Variants in PHKA1 observed in about 807,000 individuals in gnomAD.
PHKA1 encodes the protein phosphorylase b kinase regulatory subunit alpha, skeletal muscle isoform.
PHKA1 carries 60 observed loss-of-function variants against 110.2 expected under a neutral mutation model. The observed-to-expected ratio is 0.54, with a 90% confidence interval of 0.44 to 0.68. The LOEUF (loss-of-function observed/expected upper bound fraction) is 0.68. Among genes scored for constraint, PHKA1 ranks in the 30% least tolerant of loss-of-function variants. The pLI is 0.00. For missense variants in PHKA1, 801 were observed against 942.5 expected, an observed-to-expected ratio of 0.85 and a Z score of 1.97; for synonymous variants, 316 against 333.6, an observed-to-expected ratio of 0.95 and a Z score of 0.58.
At chrX:72,668,843 A>T in intron 6 of PHKA1, among the ~76,000 whole-genome samples, 1 of 111,811 alleles carries the variant, frequency 8.9e-6, no homozygotes, top group African/African-American at 3.3e-5. Flanking sequence ...AAAGTCCAAA[A>T]TCTCATCCGT....
chrX:72,608,739 A>C (rs1261145253), intron 23 of PHKA1, among the ~76,000 whole-genome samples: 5 of 111,399 alleles, frequency 4.5e-5, no homozygotes, highest in African/African-American at 6.5e-5. Flanking sequence ...TTTTGTAAAC[A>C]AAAAACATGC....
chrX:72,681,710 G>A (rs2053879171), intron 5 of PHKA1, among the ~76,000 whole-genome samples: 1 of 79,833 alleles, frequency 1.3e-5, no homozygotes, highest in Non-Finnish European at 2.4e-5. Context: ...GCCCCGTCCG[G>A]GAGGGAGGTG....
At chrX:72,627,526 T>C (rs2053094453) in intron 16 of PHKA1, among the ~76,000 whole-genome samples, 1 of 112,447 alleles carries the variant, frequency 8.9e-6, no homozygotes, top group Admixed American at 9.4e-5. Flanking sequence ...ATACTACATA[T>C]ACTCTTTCAT....
intron 21 of PHKA1, among the ~76,000 whole-genome samples, chrX:72,617,170 CAG>C (rs1432589530): frequency 9.0e-5 from 10 of 110,714 alleles, no homozygotes; most frequent in African/African-American, 3.3e-4. Context: ...ATAAATAAAA[CAG>C]AGACTAAAAA....
chrX:72,681,397 G>T (rs1476031618), intron 5 of PHKA1, among the ~76,000 whole-genome samples: 1 of 111,212 alleles, frequency 9.0e-6, no homozygotes, highest in Non-Finnish European at 1.9e-5. Context: ...GGGAGGTGGG[G>T]GGGGGTCAGC....
rs1218364964 is a variant in PHKA1, at chrX:72,653,450, A to G, written c.1122T>C (p.Ser374=). 4 of 1,197,382 alleles carry G rather than the reference A, an allele frequency of 3.3e-6. No homozygotes were observed. The highest frequency in any genetic ancestry group is 3.4e-6 in the Non-Finnish European group (3 of 884,217). ...NGVPLLPELY[S]VPPDRVDEEY... ...TCTGACTCACCCTGTCAGGAGGAACACTGTACAGCTCTGGCAGAAGTGGGA... is the reference window on the plus strand; with the variant it reads ...TCTGACTCACCCTGTCAGGAGGAACGCTGTACAGCTCTGGCAGAAGTGGGA... Residue 374 remains serine, a synonymous_variant, in exon 11 of 32, where the codon AGT becomes AGC. Transcript: ENST00000373542.
chrX:72,592,138 C>T (rs928845746), intron 29 of PHKA1, among the ~76,000 whole-genome samples: 6 of 112,268 alleles, frequency 5.3e-5, no homozygotes, highest in Non-Finnish European at 7.5e-5. Flanking sequence ...TAGAACATTG[C>T]CATAATCCAT....
At chrX:72,709,812 G>A (rs1225066205) in intron 2 of PHKA1, among the ~76,000 whole-genome samples, 1 of 109,930 alleles carries the variant, frequency 9.1e-6, no homozygotes, top group Non-Finnish European at 1.9e-5. Context: ...AGGCTGAGGT[G>A]GGTGAATCAT....
chrX:72,583,381 C>T (rs889833423), intron 30 of PHKA1, among the ~76,000 whole-genome samples: 4 of 111,901 alleles, frequency 3.6e-5, no homozygotes, highest in African/African-American at 1.3e-4. Flanking sequence ...TTTGAAGACT[C>T]TTAAAGGTAC....
chrX:72,696,000 A>C lies in PHKA1; in HGVS notation c.286-124T>G, dbSNP rs2054104658. ...ATACACTATCTTCAGGCAATTGTGA[A>C]TATTTAAAATACTCGTTACCTGTTT... On this transcript the variant is annotated intron_variant, in intron 3 of 31. Coordinates refer to ENST00000373542, the MANE Select transcript of PHKA1 (RefSeq NM_002637.4). 1.0e-5 allele frequency: 6 copies of C among 584,120 alleles called. No individual in the cohort carries two copies. The Admixed American group carries it at 1.5e-4, about 14-fold the overall frequency. The allele number at this position is 584,120 out of a possible 1,213,427, so 48.1% of individuals were successfully genotyped here. A position where few individuals can be genotyped will look rare whatever the true frequency, so the allele number is the denominator to read the frequency against.
intron 4 of PHKA1, among the ~76,000 whole-genome samples, chrX:72,693,392 T>C (rs1223082808): frequency 8.9e-6 from 1 of 112,277 alleles, no homozygotes; most frequent in Non-Finnish European, 1.9e-5. Context: ...CTCTGTTAAA[T>C]AAAGTCAATT....
intron 2 of PHKA1, among the ~76,000 whole-genome samples, chrX:72,708,159 A>T (rs1210469686): frequency 8.9e-6 from 1 of 111,785 alleles, no homozygotes; most frequent in Non-Finnish European, 1.9e-5. Context: ...CTGATTCCGA[A>T]GTCATAAGAC....
At chrX:72,601,970 A>G (rs782267710) in intron 28 of PHKA1, 21 bp downstream of exon 28, 2 of 1,161,226 alleles carry the variant, frequency 1.7e-6, no homozygotes, top group African/African-American at 3.6e-5. Flanking sequence ...AACCATGTTA[A>G]ATGATCCCTA....
chrX:72,664,872 G>A lies in PHKA1; in HGVS notation c.864+1279C>T, dbSNP rs781926358. 3.6e-5 allele frequency among the ~76,000 whole-genome samples: 4 copies of A among 110,933 alleles called. No homozygotes were observed. The South Asian group carries it at 1.1e-3, about 32-fold the overall frequency. On this transcript the variant is annotated intron_variant, in intron 8 of 31. Transcript: ENST00000373542. Reference sequence around the variant, plus strand: ...AATTTTAAAATTTCTTAAAATAAACGAAAATGGAAACATAACATCCCAAAA... The same window carrying A: ...AATTTTAAAATTTCTTAAAATAAACAAAAATGGAAACATAACATCCCAAAA...
At chrX:72,687,625 T>A (rs2053982709) in intron 4 of PHKA1, among the ~76,000 whole-genome samples, 1 of 110,672 alleles carries the variant, frequency 9.0e-6, no homozygotes, top group Non-Finnish European at 1.9e-5. Context: ...CCCTTTTCTG[T>A]GGTTCACACA....
intron 16 of PHKA1, 26 bp downstream of exon 16, chrX:72,635,129 C>T (rs782216723): frequency 3.3e-6 from 4 of 1,209,696 alleles, no homozygotes; most frequent in South Asian, 1.8e-5. Flanking sequence ...AAAATACATT[C>T]GTTCCTTGCC....
At chrX:72,625,821 A>G (rs1417075750) in intron 17 of PHKA1, among the ~76,000 whole-genome samples, 1 of 111,083 alleles carries the variant, frequency 9.0e-6, no homozygotes, top group East Asian at 2.8e-4. Context: ...ATGCACCAAC[A>G]CGCCTGGCTA....
intron 16 of PHKA1, among the ~76,000 whole-genome samples, chrX:72,627,992 T>C (rs12394331): frequency 9.2e-6 from 1 of 108,422 alleles, no homozygotes; most frequent in African/African-American, 3.4e-5. Context: ...TAATTTTTTG[T>C]ATTTTTTTTG....
rs58463688 is a variant in PHKA1, at chrX:72,628,104, C to T, written c.1715-1055G>A. ...TCGGCCTCCCACAGTGCTGGGATTA[C>T]AGGCGTGAGCCACCGCGCCAGGCCT... On this transcript the variant is annotated intron_variant, in intron 16 of 31. Coordinates refer to ENST00000373542, the MANE Select transcript of PHKA1 (RefSeq NM_002637.4). 0.064 allele frequency among the ~76,000 whole-genome samples: 7,135 copies of T among 110,726 alleles called. 802 individuals carry two copies. In the East Asian group the frequency reaches 0.68, roughly 10 times the overall value.
Sources: allele counts gnomAD v4.1 joint callset (sites outside exome capture counted in the v4.1 genomes callset), GRCh38; gene constraint gnomAD v4.1.1; transcripts MANE v1.5; gene names NCBI Gene and HGNC (gene_info 2026-07-23, HGNC 2026-07-21).